Variants in QRSL1 observed in about 807,000 individuals in gnomAD.
QRSL1 encodes glutaminyl-tRNA amidotransferase subunit QRSL1.
A neutral mutation model predicts 61.6 loss-of-function variants in QRSL1; 54 were observed. The observed-to-expected ratio is 0.88, with a 90% CI of 0.70 to 1.10. The LOEUF (loss-of-function observed/expected upper bound fraction) is 1.10, where lower values mean the gene tolerates loss of function less well. QRSL1 is among the 50% of genes least tolerant of loss of function. The probability of loss-of-function intolerance (pLI) is 0.00; values close to 1 mark genes in which losing one functional copy is unlikely to be tolerated. For missense variants in QRSL1, 505 were observed against 622.6 expected (o/e 0.81, Z 2.01); for synonymous variants, 228 against 225.7 (o/e 1.01, Z -0.09).
Position 106,629,645 on chromosome 6 carries a change from G to A in QRSL1, c.-37G>A, listed in dbSNP as rs374426112. ...GACCGGTGACCTCTTTTTCCCCCTT[G>A]CCTGGCTCCTGTGGTGGCAGGCTGG... On this transcript the variant is annotated 5_prime_UTR_variant, in exon 1 of 11. Transcript: ENST00000369046. The A allele has an allele frequency of 5.7e-6, 9 of 1,590,090 alleles. No homozygotes were observed. The highest frequency in any genetic ancestry group is 3.6e-5 in the Admixed American group (2 of 56,246).
At chr6:106,656,813 T>C (rs1181400128) in intron 9 of QRSL1, among the ~76,000 whole-genome samples, 1 of 152,118 alleles carries the variant, frequency 6.6e-6, no homozygotes, top group Non-Finnish European at 1.5e-5. Flanking sequence ...TGCACCACCA[T>C]GCCCAGCTAA....
Position 106,649,180 on chromosome 6 carries a change from T to TA in QRSL1, c.537dup (p.Ser180IlefsTer60), listed in dbSNP as rs1777157966. 1 of 1,614,154 alleles carries TA rather than the reference T, an allele frequency of 6.2e-7. No individual in the cohort carries two copies. The highest frequency in any genetic ancestry group is 1.3e-5 in the African/African-American group (1 of 75,054). On this transcript the variant is annotated frameshift_variant, in exon 5 of 11. Coordinates refer to ENST00000369046, the MANE Select transcript of QRSL1 (RefSeq NM_018292.5). LOFTEE classifies it high-confidence loss of function. ...AGCTCAGGTGGGAGTGCAGCTGCTG[T>TA]ATCGGCGTTCACATGCTACGCGTAA...
chr6:106,638,251 C>T (rs920592475), intron 1 of QRSL1, among the ~76,000 whole-genome samples: 3 of 152,146 alleles, frequency 2.0e-5, no homozygotes, highest in Non-Finnish European at 2.9e-5. Flanking sequence ...GATGTTAAAA[C>T]GCACTGCTCT....
At chr6:106,660,844 T>TG (rs762927069) in intron 9 of QRSL1, among the ~76,000 whole-genome samples, 10 of 151,972 alleles carry the variant, frequency 6.6e-5, no homozygotes, top group Non-Finnish European at 1.2e-4. Flanking sequence ...GGAAAGCACA[T>TG]GGGGGGCTGA....
chr6:106,665,824 G>T lies in QRSL1; in HGVS notation c.1409G>T (p.Gly470Val). 2 of 1,613,912 alleles carry T rather than the reference G, an allele frequency of 1.2e-6. No individual in the cohort carries two copies. The highest frequency in any genetic ancestry group is 1.7e-6 in the Non-Finnish European group (2 of 1,179,852). Reference sequence around the variant, plus strand: ...ATCCCTGTTGCACTCTCAAACCAAGGGTTGCCAATAGGACTGCAGTTTATT... The same window carrying T: ...ATCCCTGTTGCACTCTCAAACCAAGTGTTGCCAATAGGACTGCAGTTTATT... ...VSIPVALSNQ[G>V]LPIGLQFIGR... The change falls in exon 11 of 11, where the codon GGG becomes GTG. Residue 470 changes from glycine to valine, a missense_variant. Coordinates refer to ENST00000369046, the MANE Select transcript of QRSL1 (RefSeq NM_018292.5).
intron 1 of QRSL1, among the ~76,000 whole-genome samples, chr6:106,631,685 C>T (rs6905061): frequency 0.075 from 11,452 of 152,106 alleles, 1,104 homozygotes; most frequent in African/African-American, 0.21. Context: ...TTAATGGGTA[C>T]ATAGTAGGTG....
chr6:106,659,465 CAA>C (rs551505405), intron 9 of QRSL1, among the ~76,000 whole-genome samples: 8 of 103,250 alleles, frequency 7.7e-5, no homozygotes, highest in Admixed American at 9.5e-5. Context: ...ACTCTGTCTC[CAA>C]AAAAAAAAAA....
At chr6:106,651,693 A>G (rs1777189433) in intron 5 of QRSL1, among the ~76,000 whole-genome samples, 1 of 152,188 alleles carries the variant, frequency 6.6e-6, no homozygotes, top group Non-Finnish European at 1.5e-5. Context: ...AAAGGGCTGT[A>G]TCTGAATTTC....
chr6:106,649,178 T>G lies in QRSL1; in HGVS notation c.534T>G (p.Ala178=). The change falls in exon 5 of 11, where the codon GCT becomes GCG. Residue 178 remains alanine (A), a synonymous_variant. Coordinates refer to ENST00000369046, the MANE Select transcript of QRSL1 (RefSeq NM_018292.5). ...GAAGCTCAGGTGGGAGTGCAGCTGC[T>G]GTATCGGCGTTCACATGCTACGCGT... ...TGGSSGGSAA[A]VSAFTCYAAL... The G allele has an allele frequency of 6.2e-7, 1 of 1,614,148 alleles. No individual in the cohort carries two copies. Among genetic ancestry groups the G allele is most frequent in the Non-Finnish European group, 8.5e-7 (1 of 1,180,010 alleles).
In QRSL1 at chr6:106,663,329, T is replaced by C. The variant is rs1291280723; in HGVS notation, c.1366+144T>C. ...GCTTAGGAGTGAGTGTGTGTGTACA[T>C]GTATTAGTCTGTTCTCACACTGCTA... On this transcript the variant is annotated intron_variant, in intron 10 of 10. Transcript: ENST00000369046. 5.9e-6 allele frequency: 4 copies of C among 674,248 alleles called. No homozygotes were observed. The African/African-American group carries it at 7.2e-5, about 12-fold the overall frequency. The allele number at this position is 674,248 out of a possible 1,614,324, so 41.8% of individuals were successfully genotyped here.
intron 9 of QRSL1, among the ~76,000 whole-genome samples, chr6:106,656,012 TAAA>T (rs1177497842): frequency 6.6e-6 from 1 of 151,984 alleles, no homozygotes; most frequent in East Asian, 1.9e-4. Flanking sequence ...ATTCAAAAAA[TAAA>T]AAATAACACC....
intron 1 of QRSL1, among the ~76,000 whole-genome samples, chr6:106,637,302 A>G (rs895199144): frequency 6.6e-6 from 1 of 152,244 alleles, no homozygotes; most frequent in Non-Finnish European, 1.5e-5. Flanking sequence ...AGAGTTGGCA[A>G]CTGGGGTGAG....
intron 7 of QRSL1, 126 bp downstream of exon 7, chr6:106,652,708 T>A: frequency 1.3e-6 from 2 of 1,552,134 alleles, no homozygotes; most frequent in Non-Finnish European, 1.7e-6. Context: ...GTGAGTTGAG[T>A]ATGTGACTTA....
intron 1 of QRSL1, 98 bp from the exon 2 acceptor site, chr6:106,640,251 G>C: frequency 9.2e-7 from 1 of 1,083,230 alleles, no homozygotes; most frequent in Non-Finnish European, 1.4e-6. Context: ...ACTTTAAAAT[G>C]TTATACTTAG....
intron 9 of QRSL1, 132 bp downstream of exon 9, chr6:106,655,864 T>G (rs1777262121): frequency 1.7e-6 from 1 of 599,220 alleles, no homozygotes; most frequent in Non-Finnish European, 3.0e-6. Flanking sequence ...AAGACCTGTT[T>G]ATGGCACTTT....
chr6:106,664,173 G>A lies in QRSL1; in HGVS notation c.1366+988G>A, dbSNP rs530323859. The stretch of plus-strand genomic sequence containing the variant: ...GTTCTACCAAAAGTGTCTTTTATAA[G>A]TTGTCTTTCCTCCTGATATATTACA... On this transcript the variant is annotated intron_variant, in intron 10 of 10. Transcript: ENST00000369046. Among the ~76,000 whole-genome samples, 7 of 152,248 alleles carry A rather than the reference G, an allele frequency of 4.6e-5. No individual in the cohort carries two copies. The East Asian group carries it at 1.2e-3, about 25-fold the overall frequency.
At position 106,662,984 on chromosome 6, in the gene QRSL1, T is replaced by A. The variant is rs780962656; in HGVS notation, c.1165T>A (p.Tyr389Asn). 2.5e-6 allele frequency: 4 copies of A among 1,604,136 alleles called. No homozygotes were observed. The highest frequency in any genetic ancestry group is 2.6e-6 in the Non-Finnish European group (3 of 1,171,202). ...SGNFFLLKEN[Y>N]ENYFVKAQKV... ...TCACCTACTTTTTTCCCACAGAAAC[T>A]ATGAAAATTATTTTGTCAAAGCACA... Residue 389 changes from tyrosine (Y) to asparagine (N), a missense_variant, in exon 10 of 11, where the codon TAT (tyrosine) becomes AAT (asparagine). Physicochemically the swap from Tyr to Asn is moderately radical, Grantham distance 143. Transcript: ENST00000369046.
intron 1 of QRSL1, among the ~76,000 whole-genome samples, chr6:106,635,884 AG>A: frequency 6.6e-6 from 1 of 152,074 alleles, no homozygotes; most frequent in African/African-American, 2.4e-5. Flanking sequence ...AAAAAAAAAA[AG>A]ACAGTTCTTT....
At chr6:106,646,458 G>A (rs1777105978) in intron 4 of QRSL1, among the ~76,000 whole-genome samples, 1 of 152,082 alleles carries the variant, frequency 6.6e-6, no homozygotes, top group Non-Finnish European at 1.5e-5. Flanking sequence ...AAATCTTCCA[G>A]GATAAGAGAT....
Sources: gnomAD v4.1 joint callset for allele counts (sites outside exome capture counted in the v4.1 genomes callset) on GRCh38, gnomAD v4.1.1 for gene constraint, MANE v1.5 for transcripts, NCBI Gene and HGNC (gene_info 2026-07-23, HGNC 2026-07-21) for gene names.